The following REDIC1 variants were observed in gnomAD, a reference collection of about 807,000 sequenced individuals.
The protein encoded by REDIC1 is HEI10 Interacting Protein 1.
the REDIC1 span, among the ~76,000 whole-genome samples, chr12:39,854,016 T>A: frequency 6.6e-6 from 1 of 152,146 alleles, no homozygotes; most frequent in African/African-American, 2.4e-5. Flanking sequence ...TATGAGGGGC[T>A]TAAAACTCTT....
At chr12:39,852,849 T>C in the REDIC1 span, among the ~76,000 whole-genome samples, 1 of 152,168 alleles carries the variant, frequency 6.6e-6, no homozygotes, top group Non-Finnish European at 1.5e-5. Context: ...CAGCCTCTGA[T>C]TGGTAGCCTT....
At chr12:39,682,570 C>A in the REDIC1 span, 1 of 1,417,994 alleles carries the variant, frequency 7.1e-7, no homozygotes. Context: ...TGCAAATAAT[C>A]CATGCTTTTC....
At chr12:39,734,027 C>A in the REDIC1 span, among the ~76,000 whole-genome samples, 2 of 152,168 alleles carry the variant, frequency 1.3e-5, no homozygotes, top group African/African-American at 4.8e-5. Flanking sequence ...AAACCCAGGG[C>A]CCTGGTGGTG....
chr12:39,626,957 A>T, the REDIC1 span, among the ~76,000 whole-genome samples: 1 of 152,204 alleles, frequency 6.6e-6, no homozygotes, highest in African/African-American at 2.4e-5. Context: ...ATTTAGTGTT[A>T]TATAACCTAT....
the REDIC1 span, among the ~76,000 whole-genome samples, chr12:39,837,159 A>T: frequency 7.5e-6 from 1 of 133,346 alleles, no homozygotes; most frequent in South Asian, 2.6e-4. Flanking sequence ...TCAATGGAAC[A>T]GAACAGAGCC....
the REDIC1 span, among the ~76,000 whole-genome samples, chr12:39,902,173 C>T: frequency 7.5e-6 from 1 of 133,354 alleles, no homozygotes; most frequent in African/African-American, 2.9e-5. Flanking sequence ...ATGAGAACAT[C>T]ACACTCTGGG....
chr12:39,872,631 C>A, the REDIC1 span, among the ~76,000 whole-genome samples: 1 of 152,170 alleles, frequency 6.6e-6, no homozygotes, highest in Non-Finnish European at 1.5e-5. Context: ...TTTTAAAAGA[C>A]CATAATGCCA....
At chr12:39,745,363 TA>T in the REDIC1 span, among the ~76,000 whole-genome samples, 1 of 152,190 alleles carries the variant, frequency 6.6e-6, no homozygotes, top group African/African-American at 2.4e-5. Context: ...GGGTACTGGT[TA>T]AAAATGACTT....
chr12:39,712,550 G>GTT, the REDIC1 span, among the ~76,000 whole-genome samples: 1 of 138,810 alleles, frequency 7.2e-6, no homozygotes, highest in African/African-American at 2.7e-5. Flanking sequence ...GTATATACAC[G>GTT]ACATATGTGT....
the REDIC1 span, among the ~76,000 whole-genome samples, chr12:39,770,634 T>C: frequency 3.5e-4 from 54 of 152,156 alleles, no homozygotes; most frequent in Non-Finnish European, 4.6e-4. Context: ...TGGATAAGCA[T>C]AGAGCATCTG....
the REDIC1 span, among the ~76,000 whole-genome samples, chr12:39,905,827 A>AAAC: frequency 6.6e-6 from 1 of 151,500 alleles, no homozygotes; most frequent in South Asian, 2.1e-4. Flanking sequence ...GCCCAGAAAA[A>AAAC]AAAAAAAACT....
At chr12:39,785,706 C>G in the REDIC1 span, among the ~76,000 whole-genome samples, 149,198 of 152,268 alleles carry the variant, frequency 0.98, 73,105 homozygotes, top group East Asian at 1. Flanking sequence ...GAGGGAGGCT[C>G]TACCATGCAA....
At chr12:39,895,847 T>C in the REDIC1 span, among the ~76,000 whole-genome samples, 104 of 50,860 alleles carry the variant, frequency 2.0e-3, 4 homozygotes, top group African/African-American at 7.9e-3. Flanking sequence ...TGCACACACA[T>C]ATGTATATGC....
the REDIC1 span, among the ~76,000 whole-genome samples, chr12:39,632,638 T>G: frequency 6.6e-6 from 1 of 152,132 alleles, no homozygotes; most frequent in Non-Finnish European, 1.5e-5. Context: ...ATTAGACAAT[T>G]TTGTTATTGT....
the REDIC1 span, among the ~76,000 whole-genome samples, chr12:39,699,583 C>T: frequency 2.0e-5 from 3 of 152,246 alleles, no homozygotes; most frequent in African/African-American, 4.8e-5. Flanking sequence ...GAAGCTCGAA[C>T]TGGGTGGAGC....
chr12:39,730,486 C>T, the REDIC1 span, among the ~76,000 whole-genome samples: 2 of 152,138 alleles, frequency 1.3e-5, no homozygotes, highest in Non-Finnish European at 2.9e-5. Flanking sequence ...ATATTGGCCC[C>T]CAACTTTCTT....
the REDIC1 span, among the ~76,000 whole-genome samples, chr12:39,739,754 C>T: frequency 9.0e-3 from 1,364 of 152,260 alleles, 15 homozygotes; most frequent in African/African-American, 0.03. Context: ...ATTCACATCT[C>T]GTAAAATATG....
At chr12:39,645,648 A>G in the REDIC1 span, among the ~76,000 whole-genome samples, 1 of 152,072 alleles carries the variant, frequency 6.6e-6, no homozygotes, top group Admixed American at 6.6e-5. Context: ...TGCTACTGGT[A>G]CCAATCTCAC....
chr12:39,787,020 G>A, the REDIC1 span, among the ~76,000 whole-genome samples: 1,074 of 152,024 alleles, frequency 7.1e-3, 16 homozygotes, highest in African/African-American at 0.024. Flanking sequence ...TAGCATTGAA[G>A]TTCTGTAATG....
Sources: gnomAD v4.1 joint callset for allele counts (sites outside exome capture counted in the v4.1 genomes callset) on GRCh38, gnomAD v4.1.1 for gene constraint, MANE v1.5 for transcripts, NCBI Gene and HGNC (gene_info 2026-07-23, HGNC 2026-07-21) for gene names.